The following VIPR2 variants were observed in gnomAD, a reference collection of about 807,000 sequenced individuals.
VIPR2 encodes the protein vasoactive intestinal polypeptide receptor 2.
VIPR2 carries 48 observed loss-of-function variants against 58.0 expected under a neutral mutation model. The observed-to-expected ratio is 0.83, with a 90% CI of 0.66 to 1.05. The LOEUF is 1.05. Ranked by LOEUF, VIPR2 falls within the 50% of genes least tolerant of loss-of-function variation. VIPR2 has a pLI of 0.00. For synonymous variants in VIPR2, 243 were observed against 235.2 expected (o/e 1.03, Z -0.30); for missense variants, 534 against 558.0 (o/e 0.96, Z 0.43).
intron 4 of VIPR2, among the ~76,000 whole-genome samples, chr7:159,062,606 C>T (rs971307269): frequency 2.0e-5 from 3 of 152,014 alleles, no homozygotes; most frequent in East Asian, 1.9e-4. Flanking sequence ...GGAGTGAAGC[C>T]GCAGACATTC....
intron 2 of VIPR2, among the ~76,000 whole-genome samples, chr7:159,132,745 T>TTTGA (rs1223994734): frequency 6.7e-6 from 1 of 149,530 alleles, no homozygotes; most frequent in Non-Finnish European, 1.5e-5. Context: ...CAATATATTT[T>TTTGA]TTGATTGGCA....
chr7:159,062,245 C>T (rs1273156669), intron 4 of VIPR2, among the ~76,000 whole-genome samples: 5 of 152,170 alleles, frequency 3.3e-5, no homozygotes, highest in Non-Finnish European at 7.3e-5. Context: ...CAGCAGCCCG[C>T]AGGTGAGAGA....
rs34621730 is a variant in VIPR2, at chr7:159,030,393, T to G, written c.*223A>C. On this transcript the variant is annotated 3_prime_UTR_variant, in exon 13 of 13. Transcript: ENST00000262178. ...GATCCACTATACGGCTGAAACACATTTTGCACAAGATTATCTAAATGCTGG... is the reference window on the plus strand; with the variant it reads ...GATCCACTATACGGCTGAAACACATGTTGCACAAGATTATCTAAATGCTGG... The G allele has an allele frequency of 0.2, 93,720 of 463,044 alleles. 11,965 individuals are homozygous for G. The highest frequency in any genetic ancestry group is 0.47 in the East Asian group (13,264 of 28,096). The allele number at this position is 463,044 out of a possible 1,614,324, so 28.7% of individuals were successfully genotyped here.
chr7:159,110,851 TCTCTGAA>T (rs1795969758), intron 2 of VIPR2, among the ~76,000 whole-genome samples: 1 of 152,226 alleles, frequency 6.6e-6, no homozygotes, highest in Non-Finnish European at 1.5e-5. Context: ...TACAGAAATG[TCTCTGAA>T]AAGCTGGCCA....
intron 7 of VIPR2, 150 bp downstream of exon 7, chr7:159,036,602 C>A: frequency 3.0e-6 from 3 of 1,013,372 alleles, no homozygotes; most frequent in Non-Finnish European, 4.2e-6. Context: ...TTTGTAGGAG[C>A]CTCCAGTCAT....
At chr7:159,051,275 T>C (rs1038909551) in intron 5 of VIPR2, among the ~76,000 whole-genome samples, 2 of 152,174 alleles carry the variant, frequency 1.3e-5, no homozygotes, top group South Asian at 2.1e-4. Flanking sequence ...ACAAAACACA[T>C]GAGAGGTAAA....
rs370170945 is a variant in VIPR2 at position 159,099,108 on chromosome 7, G to T, written c.357+4649C>A. ...CAACCAAGTATTCAAAGTATTCAAC[G>T]AGCAGAAACTGCAACAGGAAGAAAA... is the stretch of plus-strand genomic sequence containing the variant. On this transcript the variant is annotated intron_variant, in intron 4 of 12. Coordinates refer to ENST00000262178, the MANE Select transcript of VIPR2 (RefSeq NM_003382.5). This position sits in a 1 kb window ranked among gnomAD's most constrained non-coding sequence, Gnocchi z 4.2. Among the ~76,000 whole-genome samples, 52 of 152,364 alleles carry T rather than the reference G, an allele frequency of 3.4e-4. No individual in the cohort carries two copies. In the East Asian group the frequency reaches 4.2e-3, roughly 12 times the overall value.
At chr7:159,078,900 C>A (rs149544071) in intron 4 of VIPR2, among the ~76,000 whole-genome samples, 1 of 152,250 alleles carries the variant, frequency 6.6e-6, no homozygotes, top group African/African-American at 2.4e-5. Context: ...TAGGTGTTAT[C>A]CTCCTGAGAG....
chr7:159,075,589 GGA>G (rs1042476900), intron 4 of VIPR2, among the ~76,000 whole-genome samples: 5 of 137,294 alleles, frequency 3.6e-5, no homozygotes, highest in African/African-American at 1.4e-4. Context: ...ACTGCATCAG[GGA>G]GTAGCCCAGG....
At chr7:159,110,589 A>ATT (rs533362868) in intron 2 of VIPR2, among the ~76,000 whole-genome samples, 147 of 448 alleles carry the variant, frequency 0.33, no homozygotes, top group African/African-American at 0.47. Flanking sequence ...TAAACCCAGG[A>ATT]CTTTCCTACT....
chr7:159,096,775 C>T lies in VIPR2; in HGVS notation c.357+6982G>A. 2 of 1,411,352 alleles carry T rather than the reference C, an allele frequency of 1.4e-6. No individual in the cohort carries two copies. Among genetic ancestry groups the T allele is most frequent in the South Asian group, 1.7e-5 (1 of 60,446 alleles). 87.4% of individuals were successfully genotyped at this position (1,411,352 alleles called of 1,614,324 possible). A position where few individuals can be genotyped will look rare whatever the true frequency, so the allele number is the denominator to read the frequency against. ...GCCTGTGGCCAGATTTCTGCCCCTG[C>T]CTGAGGTCAGTCTCGTGGCCCCCGC... On this transcript the variant is annotated intron_variant, in intron 4 of 12. Coordinates refer to ENST00000262178, the MANE Select transcript of VIPR2 (RefSeq NM_003382.5). The surrounding 1 kb of genome is among the most constrained non-coding windows in gnomAD (Gnocchi z 5.5).
intron 4 of VIPR2, among the ~76,000 whole-genome samples, chr7:159,077,538 T>C (rs1563302347): frequency 6.6e-6 from 1 of 151,554 alleles, no homozygotes; most frequent in Non-Finnish European, 1.5e-5. Context: ...GTCTTTGAGG[T>C]ACTACAGTGT....
intron 4 of VIPR2, among the ~76,000 whole-genome samples, chr7:159,074,449 C>A (rs913281260): frequency 2.0e-5 from 3 of 152,124 alleles, no homozygotes; most frequent in Non-Finnish European, 4.4e-5. Context: ...GAGGGTGGAG[C>A]CCTCATGAAC....
At chr7:159,085,727 T>C (rs998472568) in intron 4 of VIPR2, among the ~76,000 whole-genome samples, 8 of 149,722 alleles carry the variant, frequency 5.3e-5, no homozygotes, top group African/African-American at 2.0e-4. Flanking sequence ...TTTTTTTTTT[T>C]CGTTAGGAGT....
chr7:159,125,667 T>C (rs1796626521), intron 2 of VIPR2, among the ~76,000 whole-genome samples: 1 of 152,230 alleles, frequency 6.6e-6, no homozygotes, highest in Non-Finnish European at 1.5e-5. Context: ...CAGTTATGAT[T>C]GGCAGCAGTT....
chr7:159,073,195 A>G (rs1488071149), intron 4 of VIPR2, among the ~76,000 whole-genome samples: 1 of 152,256 alleles, frequency 6.6e-6, no homozygotes, highest in African/African-American at 2.4e-5. Flanking sequence ...AATAAATAGT[A>G]ATAACTACAG....
intron 4 of VIPR2, among the ~76,000 whole-genome samples, chr7:159,061,603 T>G (rs564375113): frequency 1.4e-4 from 21 of 151,586 alleles, no homozygotes; most frequent in Non-Finnish European, 1.2e-4. Context: ...GCCTAAGCTG[T>G]GATCACACCA....
Position 159,096,062 on chromosome 7 carries a change from A to C in VIPR2, c.357+7695T>G, listed in dbSNP as rs1857819366. ...CCTGCCCCACCCACCTGTGGAGCCCAAGAGCCAGCTGCTGGGTGCCCAAGC... is the reference window on the plus strand; with the variant it reads ...CCTGCCCCACCCACCTGTGGAGCCCCAGAGCCAGCTGCTGGGTGCCCAAGC... On this transcript the variant is annotated intron_variant, in intron 4 of 12. Coordinates refer to ENST00000262178, the MANE Select transcript of VIPR2 (RefSeq NM_003382.5). This position sits in a 1 kb window ranked among gnomAD's most constrained non-coding sequence, Gnocchi z 5.5. Among the ~76,000 whole-genome samples, 1 of 152,074 alleles carries C rather than the reference A, an allele frequency of 6.6e-6. No individual in the cohort carries two copies. The highest frequency in any genetic ancestry group is 1.5e-5 in the Non-Finnish European group (1 of 68,002).
At chr7:159,079,785 A>G (rs1387053232) in intron 4 of VIPR2, among the ~76,000 whole-genome samples, 2 of 152,248 alleles carry the variant, frequency 1.3e-5, no homozygotes, top group South Asian at 2.1e-4. Context: ...CAAAGGGGCT[A>G]TCACCACCAA....
Sources: allele counts gnomAD v4.1 joint callset (sites outside exome capture counted in the v4.1 genomes callset), GRCh38; gene constraint gnomAD v4.1.1; non-coding constraint Gnocchi (gnomAD v3.1); transcripts MANE v1.5; gene names NCBI Gene and HGNC (gene_info 2026-07-23, HGNC 2026-07-21).